Variants in TLCD3B observed in about 807,000 individuals in gnomAD.
The protein encoded by TLCD3B is TLC domain containing 3B.
A neutral mutation model predicts 23.0 loss-of-function variants in TLCD3B; 9 were observed. The observed-to-expected ratio is 0.39, with a 90% CI of 0.24 to 0.68. The LOEUF is 0.68. Ranked by LOEUF, TLCD3B falls within the 30% of genes least tolerant of loss-of-function variation. The pLI is 0.44. For missense variants in TLCD3B, 307 were observed against 371.8 expected (o/e 0.83, Z 1.43); for synonymous variants, 161 against 161.0 (o/e 1.00, Z 0.00).
upstream of TLCD3B, chr16:30,036,133 C>A: frequency 2.4e-6 from 3 of 1,270,958 alleles, no homozygotes; most frequent in Non-Finnish European, 3.1e-6. Context: ...TAAGTCACCT[C>A]TACCTTCTCC....
chr16:30,027,323 C>T, intron 2 of TLCD3B: 1 of 391,076 alleles, frequency 2.6e-6, no homozygotes, highest in Non-Finnish European at 5.1e-6. Flanking sequence ...ACTTCCCATG[C>T]ATAGCCTTAT....
In TLCD3B at chr16:30,027,880, G is replaced by A. The variant is rs1248781934; in HGVS notation, c.210-1037C>T. 2.4e-5 allele frequency: 8 copies of A among 339,116 alleles called. No individual in the cohort carries two copies. The East Asian group carries it at 4.5e-4, about 19-fold the overall frequency. 21.0% of individuals were successfully genotyped at this position (339,116 alleles called of 1,614,324 possible). The stretch of plus-strand genomic sequence containing the variant: ...TCAGCCAGAAGCCATCACCAAACAT[G>A]AGGCACGTGGAGGAGGCTGTGGAGA... On this transcript the variant is annotated intron_variant, in intron 2 of 4. Coordinates refer to ENST00000380495, the MANE Select transcript of TLCD3B (RefSeq NM_031478.6).
In TLCD3B at chr16:30,029,332, G is replaced by A; in HGVS notation, c.209+100C>T. ...CTCAGGCCCAAGTTAAGGGCTTGGG[G>A]ACCACAGACAGAGTTCCCTCCAAGA... On this transcript the variant is annotated intron_variant, in intron 2 of 4. Transcript: ENST00000380495. The surrounding 1 kb of genome is among the most constrained non-coding windows in gnomAD (Gnocchi z 4.6). 9.5e-7 allele frequency: 1 copy of A among 1,048,884 alleles called. No homozygotes were observed. The highest frequency in any genetic ancestry group is 1.4e-5 in the South Asian group (1 of 73,732). The allele number at this position is 1,048,884 out of a possible 1,614,324, so 65.0% of individuals were successfully genotyped here. A position where few individuals can be genotyped will look rare whatever the true frequency, so the allele number is the denominator to read the frequency against.
intron 1 of TLCD3B, among the ~76,000 whole-genome samples, chr16:30,047,226 C>G (rs2071688205): frequency 6.6e-6 from 1 of 152,018 alleles, no homozygotes; most frequent in Admixed American, 6.6e-5. Context: ...AACCTCTGCC[C>G]CCAGCGGTCA....
upstream of TLCD3B, among the ~76,000 whole-genome samples, chr16:30,031,422 G>A (rs903664190): frequency 6.6e-6 from 1 of 152,136 alleles, no homozygotes; most frequent in African/African-American, 2.4e-5. Context: ...GGGGGCCCAG[G>A]GCTCCTTGGC....
At chr16:30,039,138 G>A (rs2071533986) in intron 3 of TLCD3B, among the ~76,000 whole-genome samples, 1 of 69,148 alleles carries the variant, frequency 1.4e-5, no homozygotes, top group East Asian at 3.8e-4. Context: ...TTTTTTAGAT[G>A]GAGGTTCGCT....
rs1241658986 is a variant in TLCD3B at position 30,029,062 on chromosome 16, T to C, written c.209+370A>G. ...CTGGATTATGGGAAGGGCTGAGGGG[T>C]GAGCCTGGCATGAGGAGGGGGCACC... On this transcript the variant is annotated intron_variant, in intron 2 of 4. Transcript: ENST00000380495. The surrounding 1 kb of genome is among the most constrained non-coding windows in gnomAD (Gnocchi z 4.6). Among the ~76,000 whole-genome samples the C allele has an allele frequency of 6.6e-6, 1 of 151,808 alleles. No homozygotes were observed. Among genetic ancestry groups the C allele is most frequent in the Admixed American group, 6.6e-5 (1 of 15,242 alleles).
In TLCD3B at chr16:30,030,792, A is replaced by G. The variant is rs866019214; in HGVS notation, c.-265T>C. 9.6e-6 allele frequency: 11 copies of G among 1,148,070 alleles called. No individual in the cohort carries two copies. The highest frequency in any genetic ancestry group is 1.2e-5 in the Non-Finnish European group (11 of 937,954). The allele number at this position is 1,148,070 out of a possible 1,614,324, so 71.1% of individuals were successfully genotyped here. A position where few individuals can be genotyped will look rare whatever the true frequency, so the allele number is the denominator to read the frequency against. On this transcript the variant is annotated 5_prime_UTR_variant, in exon 1 of 5. Coordinates refer to ENST00000380495, the MANE Select transcript of TLCD3B (RefSeq NM_031478.6). ...AGGAGCAGGCCAGCGAGGGATGGGG[A>G]GAGGCAAAGAGGGGATGGCTTGGTG... is the stretch of plus-strand genomic sequence containing the variant.
Position 30,026,816 on chromosome 16 carries a change from T to A in TLCD3B, c.237A>T (p.Gln79His). Residue 79 changes from glutamine (Q) to histidine (H), a missense_variant, in exon 3 of 5, where the codon CAA becomes CAT. Transcript: ENST00000380495. ...CGTAGATGAAGTAGGGCACAGCAAATTGCGTGTAGGCAGAGGACAGCCAGT... is the reference window on the plus strand; with the variant it reads ...CGTAGATGAAGTAGGGCACAGCAAAATGCGTGTAGGCAGAGGACAGCCAGT... ...DQHWLSSAYT[Q>H]FAVPYFIYDI... The A allele has an allele frequency of 6.2e-7, 1 of 1,613,896 alleles. No homozygotes were observed. Among genetic ancestry groups the A allele is most frequent in the Non-Finnish European group, 8.5e-7 (1 of 1,179,974 alleles).
At chr16:30,043,322 C>G (rs1192017223) in intron 2 of TLCD3B, among the ~76,000 whole-genome samples, 1 of 152,098 alleles carries the variant, frequency 6.6e-6, no homozygotes, top group Admixed American at 6.6e-5. Context: ...TTCCTGTGCT[C>G]AGGGGATCCT....
chr16:30,050,270 G>T (rs929634971), intron 1 of TLCD3B, among the ~76,000 whole-genome samples: 1 of 152,218 alleles, frequency 6.6e-6, no homozygotes, highest in Non-Finnish European at 1.5e-5. Context: ...CGGGCACAGT[G>T]GTTCACGCTT....
rs1232093592 is a variant in TLCD3B, at chr16:30,024,983, G to T, written c.*200C>A. On this transcript the variant is annotated 3_prime_UTR_variant, in exon 5 of 5. Transcript: ENST00000380495. Reference sequence around the variant, plus strand: ...CCTCCAGCGCAAGGGTGTGCAGGAAGGGGGCAGAGTAGGGGGAAGAGGTCC... The same window carrying T: ...CCTCCAGCGCAAGGGTGTGCAGGAATGGGGCAGAGTAGGGGGAAGAGGTCC... 2 of 510,064 alleles carry T rather than the reference G, an allele frequency of 3.9e-6. No homozygotes were observed. The highest frequency in any genetic ancestry group is 2.0e-5 in the African/African-American group (1 of 49,394). 31.6% of individuals were successfully genotyped at this position (510,064 alleles called of 1,614,324 possible). A position where few individuals can be genotyped will look rare whatever the true frequency, so the allele number is the denominator to read the frequency against.
At chr16:30,041,807 A>T (rs1246857440) in intron 2 of TLCD3B, among the ~76,000 whole-genome samples, 1 of 151,632 alleles carries the variant, frequency 6.6e-6, no homozygotes, top group Admixed American at 6.6e-5. Context: ...ACTGCAGTTC[A>T]TGCACCCACA....
In TLCD3B at chr16:30,025,125, C is replaced by G; in HGVS notation, c.*58G>C. ...GGCTCCCAACCCCAGCCATCAGCCC[C>G]AGAGCCCTGTCTCCACGGGGGTGGG... On this transcript the variant is annotated 3_prime_UTR_variant, in exon 5 of 5. Transcript: ENST00000380495. The surrounding 1 kb of genome is among the most constrained non-coding windows in gnomAD (Gnocchi z 4.1). 17 of 1,225,210 alleles carry G rather than the reference C, an allele frequency of 1.4e-5. No individual in the cohort carries two copies. Among genetic ancestry groups the G allele is most frequent in the Non-Finnish European group, 1.9e-5 (17 of 910,796 alleles). 75.9% of individuals were successfully genotyped at this position (1,225,210 alleles called of 1,614,324 possible).
chr16:30,040,550 G>A (rs987704509), intron 3 of TLCD3B, among the ~76,000 whole-genome samples: 3 of 152,108 alleles, frequency 2.0e-5, no homozygotes, highest in Non-Finnish European at 4.4e-5. Flanking sequence ...GAAGGCATGA[G>A]GGGAGGAGAG....
At chr16:30,036,234 G>A, upstream of TLCD3B, 1 of 1,288,948 alleles carries the variant, frequency 7.8e-7, no homozygotes, top group Middle Eastern at 2.1e-4. Flanking sequence ...AGGAAGGGAG[G>A]GGGTTGTCAA....
At position 30,030,554 on chromosome 16, in the gene TLCD3B, C is replaced by A. The variant is rs1190823841; in HGVS notation, c.-27G>T. On this transcript the variant is annotated 5_prime_UTR_variant, in exon 1 of 5. Coordinates refer to ENST00000380495, the MANE Select transcript of TLCD3B (RefSeq NM_031478.6). The stretch of plus-strand genomic sequence containing the variant: ...GTGGCTCAGGACTTGGGCAGGGAGG[C>A]AGGCGGGCCGTGAAGGGGCAGGGAG... 3.2e-6 allele frequency: 5 copies of A among 1,548,226 alleles called. No homozygotes were observed. Among genetic ancestry groups the A allele is most frequent in the Non-Finnish European group, 4.3e-6 (5 of 1,151,850 alleles).
intron 2 of TLCD3B, among the ~76,000 whole-genome samples, chr16:30,045,092 C>CAAAAAAAAAAAA (rs1162281544): frequency 1.3e-3 from 29 of 22,206 alleles, no homozygotes; most frequent in African/African-American, 2.9e-3. Context: ...GACTCCATCT[C>CAAAAAAAAAAAA]AAAAAAAAAA....
rs923949731 is a variant in TLCD3B, at chr16:30,024,748, C to T, written c.*435G>A. ...GGAGCCGTGGTTGCAGCCGGCCACT[C>T]GGGAGGCCCGAGGGCCAGCGGGGGT... is the stretch of plus-strand genomic sequence containing the variant. On this transcript the variant is annotated 3_prime_UTR_variant, in exon 5 of 5. Coordinates refer to ENST00000380495, the MANE Select transcript of TLCD3B (RefSeq NM_031478.6). 1 of 190,486 alleles carries T rather than the reference C, an allele frequency of 5.2e-6. No individual in the cohort carries two copies. Among genetic ancestry groups the T allele is most frequent in the Non-Finnish European group, 1.1e-5 (1 of 94,496 alleles). The allele number at this position is 190,486 out of a possible 1,614,324, so 11.8% of individuals were successfully genotyped here.
Sources: allele counts gnomAD v4.1 joint callset (sites outside exome capture counted in the v4.1 genomes callset), GRCh38; gene constraint gnomAD v4.1.1; non-coding constraint Gnocchi (gnomAD v3.1); transcripts MANE v1.5; gene names NCBI Gene and HGNC (gene_info 2026-07-23, HGNC 2026-07-21).